CRBN: variants seen among roughly 807,000 people sequenced by gnomAD.
CRBN encodes protein cereblon.
In CRBN, 53 loss-of-function variants were observed where a neutral mutation model predicts 62.2. The ratio of observed to expected loss-of-function variants is 0.85; its 90% confidence interval spans 0.68 to 1.07. The LOEUF is 1.07. Ranked by LOEUF, CRBN falls within the 50% of genes least tolerant of loss-of-function variation. The pLI, the probability that CRBN is intolerant of heterozygous loss-of-function variation, is 0.00. For synonymous variants in CRBN, 208 were observed against 176.1 expected (o/e 1.18, Z -1.43); for missense variants, 616 against 531.1 (o/e 1.16, Z -1.57).
chr3:3,156,405 T>A, intron 5 of CRBN, 124 bp from the exon 6 acceptor site: 2 of 809,322 alleles, frequency 2.5e-6, no homozygotes, highest in Non-Finnish European at 4.1e-6. Flanking sequence ...AGATAAAAAA[T>A]TTTGTAGATA....
At chr3:3,163,762 A>G (rs747968206) in intron 5 of CRBN, among the ~76,000 whole-genome samples, 1 of 152,168 alleles carries the variant, frequency 6.6e-6, no homozygotes, top group Non-Finnish European at 1.5e-5. Context: ...GAACTATTCT[A>G]TATACCCAAA....
chr3:3,163,089 TCTCTAAAG>T (rs1707203626), intron 5 of CRBN, among the ~76,000 whole-genome samples: 1 of 152,190 alleles, frequency 6.6e-6, no homozygotes, highest in Non-Finnish European at 1.5e-5. Flanking sequence ...CTAAGTGGTC[TCTCTAAAG>T]CAGAACAGAG....
chr3:3,165,341 G>A (rs376087835), intron 5 of CRBN, among the ~76,000 whole-genome samples: 10 of 152,280 alleles, frequency 6.6e-5, no homozygotes, highest in African/African-American at 2.4e-4. Context: ...GTTCTGTTGT[G>A]GCTTAAATGC....
intron 4 of CRBN, among the ~76,000 whole-genome samples, chr3:3,168,983 CTTG>C (rs1553562299): frequency 6.6e-6 from 1 of 152,140 alleles, no homozygotes; most frequent in Non-Finnish European, 1.5e-5. Context: ...ACACAAATAA[CTTG>C]TTAATTACAT....
intron 5 of CRBN, among the ~76,000 whole-genome samples, chr3:3,162,279 T>G (rs1559248837): frequency 6.6e-6 from 1 of 152,214 alleles, no homozygotes. Flanking sequence ...TAGAAACATT[T>G]AAGTCATACT....
At chr3:3,161,681 C>T (rs1045241664) in intron 5 of CRBN, among the ~76,000 whole-genome samples, 1 of 152,224 alleles carries the variant, frequency 6.6e-6, no homozygotes, top group Non-Finnish European at 1.5e-5. Flanking sequence ...GCCACTGTGC[C>T]TGGCCTCAAA....
downstream of CRBN, chr3:3,149,704 T>TGGAAGTATTCTTGAAAA (rs1559235799): frequency 6.6e-6 from 1 of 152,100 alleles, no homozygotes; most frequent in Non-Finnish European, 1.5e-5. Context: ...CATATCCTGA[T>TGGAAGTATTCTTGAAAA]TGGAAGTATT....
At chr3:3,151,962 G>C (rs1705804) in intron 10 of CRBN, among the ~76,000 whole-genome samples, 1 of 151,946 alleles carries the variant, frequency 6.6e-6, no homozygotes, top group Non-Finnish European at 1.5e-5. Flanking sequence ...AGTTCTACTG[G>C]GTCATAAGAC....
Position 3,153,967 on chromosome 3 carries a change from A to C in CRBN, c.944T>G (p.Met315Arg). The C allele has an allele frequency of 6.3e-7, 1 of 1,590,704 alleles. No individual in the cohort carries two copies. The highest frequency in any genetic ancestry group is 8.6e-7 in the Non-Finnish European group (1 of 1,158,616). The stretch of plus-strand genomic sequence containing the variant: ...CATATTCACTTTACTCACTTTATTC[A>C]TAATGTCTAATTCACAGCGAAGTCG... ...IQRLRCELDI[M>R]NKCTSLCCKQ... The change falls in exon 8 of 11, where the codon ATG becomes AGG. Residue 315 changes from methionine to arginine, a missense_variant. By Grantham distance (91) the Met-to-Arg change is moderately conservative (BLOSUM62 -1). Transcript: ENST00000231948.
intron 9 of CRBN, 119 bp from the exon 10 acceptor site, chr3:3,152,706 C>A: frequency 8.0e-7 from 1 of 1,244,524 alleles, no homozygotes; most frequent in Non-Finnish European, 1.2e-6. Context: ...GTTTTTAATC[C>A]TTCAGTTTTA....
intron 5 of CRBN, among the ~76,000 whole-genome samples, chr3:3,160,583 T>C (rs566993151): frequency 3.3e-5 from 5 of 152,326 alleles, no homozygotes; most frequent in Admixed American, 2.0e-4. Context: ...TAGCCTAAGA[T>C]TTCAAGACTT....
intron 4 of CRBN, among the ~76,000 whole-genome samples, chr3:3,168,336 G>A (rs983493515): frequency 2.0e-5 from 3 of 152,086 alleles, no homozygotes; most frequent in East Asian, 1.9e-4. Flanking sequence ...TCCTTTTCAC[G>A]TTCTTAAGAG....
In CRBN at chr3:3,150,646, T is replaced by C; in HGVS notation, c.*219A>G. On this transcript the variant is annotated 3_prime_UTR_variant, in exon 11 of 11. Transcript: ENST00000231948. Reference sequence around the variant, plus strand: ...TGGCACCAAGCTACCCAAGTAGATGTTTCTGGTATTCTAGACTGCCGTTCA... The same window carrying C: ...TGGCACCAAGCTACCCAAGTAGATGCTTCTGGTATTCTAGACTGCCGTTCA... 1 of 485,146 alleles carries C rather than the reference T, an allele frequency of 2.1e-6. No homozygotes were observed. Among genetic ancestry groups the C allele is most frequent in the Non-Finnish European group, 3.8e-6 (1 of 266,156 alleles). The allele number at this position is 485,146 out of a possible 1,614,324, so 30.1% of individuals were successfully genotyped here.
At chr3:3,161,045 A>G (rs1707119780) in intron 5 of CRBN, among the ~76,000 whole-genome samples, 1 of 152,246 alleles carries the variant, frequency 6.6e-6, no homozygotes, top group Non-Finnish European at 1.5e-5. Flanking sequence ...AACATGAGAC[A>G]TTCCTTTGCA....
intron 9 of CRBN, chr3:3,153,154 AGATT>A (rs1575080228): frequency 2.4e-6 from 1 of 415,226 alleles, no homozygotes; most frequent in Admixed American, 3.9e-5. Flanking sequence ...TCTAATATAT[AGATT>A]GTCAACAAGA....
chr3:3,177,294 T>C (rs1261468336), intron 1 of CRBN, among the ~76,000 whole-genome samples: 1 of 152,258 alleles, frequency 6.6e-6, no homozygotes, highest in Non-Finnish European at 1.5e-5. Context: ...CATATCATTA[T>C]TTAAGTCAAA....
Position 3,150,021 on chromosome 3 carries a change from C to CACTTAAGGTTTACTT in CRBN, c.*829_*843dup, listed in dbSNP as rs1706391320. 1 of 152,090 alleles carries CACTTAAGGTTTACTT rather than the reference C, an allele frequency of 6.6e-6. No individual in the cohort carries two copies. Among genetic ancestry groups the CACTTAAGGTTTACTT allele is most frequent in the Non-Finnish European group, 1.5e-5 (1 of 67,994 alleles). 9.4% of individuals were successfully genotyped at this position (152,090 alleles called of 1,614,324 possible). ...TGAACAAAGAACATGTTTAGTTTCACACTTAAGGTTTACTTACTTACAGAT... is the reference window on the plus strand; with the variant it reads ...TGAACAAAGAACATGTTTAGTTTCACACTTAAGGTTTACTTACTTAAGGTTTACTTACTTACAGAT... On this transcript the variant is annotated 3_prime_UTR_variant, in exon 11 of 11. Coordinates refer to ENST00000231948, the MANE Select transcript of CRBN (RefSeq NM_016302.4).
At chr3:3,166,206 G>C (rs1044171897) in intron 5 of CRBN, among the ~76,000 whole-genome samples, 4 of 152,092 alleles carry the variant, frequency 2.6e-5, no homozygotes, top group Admixed American at 6.6e-5. Context: ...TGAATTATGG[G>C]GGCAGGTCTT....
At chr3:3,172,450 C>T (rs1232716198) in intron 4 of CRBN, 1 of 333,238 alleles carries the variant, frequency 3.0e-6, no homozygotes, top group South Asian at 3.1e-5. Context: ...TCCCAAACAA[C>T]ACTTCCCTTT....
Sources: allele counts gnomAD v4.1 joint callset (sites outside exome capture counted in the v4.1 genomes callset), GRCh38; gene constraint gnomAD v4.1.1; transcripts MANE v1.5; gene names NCBI Gene and HGNC (gene_info 2026-07-23, HGNC 2026-07-21).